PARP4: variants seen among roughly 807,000 people sequenced by gnomAD.
The protein encoded by PARP4 is protein mono-ADP-ribosyltransferase PARP4.
In PARP4, 120 loss-of-function variants were observed where a neutral mutation model predicts 187.7. The ratio of observed to expected loss-of-function variants is 0.64; its 90% CI spans 0.55 to 0.74. The LOEUF (loss-of-function observed/expected upper bound fraction) is 0.74, where lower values mean the gene tolerates loss of function less well. Ranked by LOEUF, PARP4 falls within the 30% of genes least tolerant of loss-of-function variation. PARP4 has a pLI of 0.00. For synonymous variants in PARP4, 654 were observed against 740.9 expected, an observed-to-expected ratio of 0.88 and a Z score of 1.90; for missense variants, 1,836 against 2,070.5, an observed-to-expected ratio of 0.89 and a Z score of 2.20.
intron 17 of PARP4, among the ~76,000 whole-genome samples, chr13:24,468,507 C>A (rs921006403): frequency 1.3e-5 from 2 of 149,614 alleles, no homozygotes; most frequent in African/African-American, 4.9e-5. Flanking sequence ...CAGGTTCAAG[C>A]GATTCTCCTG....
chr13:24,469,867 C>T lies in PARP4; in HGVS notation c.2046+27G>A, dbSNP rs199817770. 757 of 1,599,364 alleles carry T rather than the reference C, an allele frequency of 4.7e-4. 2 individuals carry two copies. Among genetic ancestry groups the T allele is most frequent in the African/African-American group, 4.2e-3 (310 of 74,350 alleles). On this transcript the variant is annotated intron_variant, in intron 16 of 33. Coordinates refer to ENST00000381989, the MANE Select transcript of PARP4 (RefSeq NM_006437.4). ...GGAAGCTGACTTTGAAAGCCGAGAG[C>T]GGGCACGATGCATCTTCTTGCCTTA...
intron 33 of PARP4, among the ~76,000 whole-genome samples, chr13:24,426,125 G>A (rs1870037802): frequency 6.6e-6 from 1 of 152,154 alleles, no homozygotes; most frequent in African/African-American, 2.4e-5. Context: ...CCATTGTTGG[G>A]AACAGGGCTG....
intron 23 of PARP4, 70 bp from the exon 24 acceptor site, chr13:24,452,663 C>T: frequency 7.9e-7 from 1 of 1,269,170 alleles, no homozygotes; most frequent in South Asian, 1.3e-5. Flanking sequence ...TCATCATTGA[C>T]ACATCTAAGG....
In PARP4 at chr13:24,499,447, T is replaced by G. The variant is rs1398858064; in HGVS notation, c.402-71A>C. The G allele has an allele frequency of 4.0e-5, 53 of 1,321,446 alleles. No individual in the cohort carries two copies. In the East Asian group the frequency reaches 1.3e-3, roughly 33 times the overall value. 81.9% of individuals were successfully genotyped at this position (1,321,446 alleles called of 1,614,324 possible). ...TTAGGCTAAACAGAATTTCATAAAT[T>G]TTTTCTTGTACATCTTTACAAAATA... is the stretch of plus-strand genomic sequence containing the variant. On this transcript the variant is annotated intron_variant, in intron 4 of 33. Transcript: ENST00000381989.
intron 20 of PARP4, among the ~76,000 whole-genome samples, chr13:24,458,830 A>C (rs936616737): frequency 6.6e-6 from 1 of 152,224 alleles, no homozygotes; most frequent in African/African-American, 2.4e-5. Context: ...TTAATATTTA[A>C]AAATTGGAGG....
intron 14 of PARP4, among the ~76,000 whole-genome samples, 185 bp downstream of exon 14, chr13:24,477,516 G>A (rs568155749): frequency 1.3e-5 from 2 of 152,100 alleles, no homozygotes; most frequent in Non-Finnish European, 2.9e-5. Flanking sequence ...ACTAGGCAGA[G>A]GGGTTTGACT....
At chr13:24,457,770 CAAAAAA>C (rs33930012) in intron 20 of PARP4, among the ~76,000 whole-genome samples, 6 of 85,656 alleles carry the variant, frequency 7.0e-5, no homozygotes, top group Admixed American at 1.2e-4. Flanking sequence ...GACTCTGTCT[CAAAAAA>C]AAAAAAAAAA....
chr13:24,447,185 A>T lies in PARP4; in HGVS notation c.3116T>A (p.Ile1039Lys). The T allele has an allele frequency of 7.4e-7, 1 of 1,357,744 alleles. No individual in the cohort carries two copies. Among genetic ancestry groups the T allele is most frequent in the Non-Finnish European group, 9.9e-7 (1 of 1,013,116 alleles). 84.1% of individuals were successfully genotyped at this position (1,357,744 alleles called of 1,614,324 possible). ...ACATAGCCTGGTCATTTGGTCTTCT[A>T]TCTATTTATAAAAGAGGAATTATTT... Reference protein sequence around the residue: ...AKSKHSWRKQIEDQMTRLCSP... With the variant: ...AKSKHSWRKQKEDQMTRLCSP... Residue 1039 changes from isoleucine to lysine, a missense_variant and splice_region_variant, in exon 26 of 34, where the codon ATA becomes AAA. Physicochemically the swap from Ile to Lys is moderately radical, Grantham distance 102. Transcript: ENST00000381989.
intron 2 of PARP4, among the ~76,000 whole-genome samples, 161 bp downstream of exon 2, chr13:24,503,484 A>G (rs756574812): frequency 2.0e-5 from 3 of 152,172 alleles, no homozygotes; most frequent in East Asian, 1.9e-4. Context: ...TGCCTCTAGG[A>G]GCCCAGCCTC....
Position 24,441,880 on chromosome 13 carries a change from C to G in PARP4, c.3632G>C (p.Trp1211Ser), listed in dbSNP as rs753579875. 9 of 1,605,782 alleles carry G rather than the reference C, an allele frequency of 5.6e-6. No homozygotes were observed. The East Asian group carries it at 2.0e-4, about 36-fold the overall frequency. ...EDVDFLPYMS[W>S]QGEPQEAVRN... Reference sequence around the variant, plus strand: ...GACGGCTTCTTGGGGCTCCCCCTGCCAGCTCATGTAGGGCAGGAAGTCTAC... The same window carrying G: ...GACGGCTTCTTGGGGCTCCCCCTGCGAGCTCATGTAGGGCAGGAAGTCTAC... The change falls in exon 30 of 34, where the codon TGG becomes TCG. Residue 1211 changes from tryptophan (W) to serine (S), a missense_variant. Physicochemically the swap from Trp to Ser is radical, Grantham distance 177. Transcript: ENST00000381989.
At chr13:24,458,882 G>A (rs533881323) in intron 20 of PARP4, among the ~76,000 whole-genome samples, 162 bp downstream of exon 20, 1 of 152,324 alleles carries the variant, frequency 6.6e-6, no homozygotes, top group East Asian at 1.9e-4. Flanking sequence ...ATGATTCACT[G>A]TCTCTGGAAA....
intron 17 of PARP4, among the ~76,000 whole-genome samples, chr13:24,463,429 G>A (rs1053373641): frequency 6.6e-6 from 1 of 151,966 alleles, no homozygotes; most frequent in Non-Finnish European, 1.5e-5. Context: ...TCTATAGAAA[G>A]AAATGAAGAG....
At chr13:24,421,653 G>A (rs549793358) in intron 33 of PARP4, among the ~76,000 whole-genome samples, 85 of 152,318 alleles carry the variant, frequency 5.6e-4, no homozygotes, top group Non-Finnish European at 9.6e-4. Context: ...CATTCTTCAC[G>A]CACAAACTCA....
chr13:24,448,144 GGGC>G (rs1482972606), intron 25 of PARP4, among the ~76,000 whole-genome samples: 2 of 152,138 alleles, frequency 1.3e-5, no homozygotes, highest in East Asian at 3.9e-4. Flanking sequence ...CAGGATGTCA[GGGC>G]TGCAGTGAGC....
chr13:24,505,039 T>C (rs1443954745), intron 1 of PARP4, among the ~76,000 whole-genome samples: 1 of 146,596 alleles, frequency 6.8e-6, no homozygotes, highest in African/African-American at 2.5e-5. Flanking sequence ...GGTCTCACTC[T>C]GTCACCCAGG....
At chr13:24,448,445 C>T (rs1165249375) in intron 25 of PARP4, among the ~76,000 whole-genome samples, 1 of 96,096 alleles carries the variant, frequency 1.0e-5, no homozygotes, top group Non-Finnish European at 2.3e-5. Flanking sequence ...TGATTGATTT[C>T]AATCAATAAG....
chr13:24,481,885 T>C (rs1279619287), intron 12 of PARP4, among the ~76,000 whole-genome samples: 1 of 152,090 alleles, frequency 6.6e-6, no homozygotes, highest in East Asian at 1.9e-4. Flanking sequence ...AAAAAATACA[T>C]TTTGTAAGGC....
chr13:24,448,965 G>A (rs1871354107), intron 25 of PARP4, among the ~76,000 whole-genome samples: 1 of 152,232 alleles, frequency 6.6e-6, no homozygotes, highest in South Asian at 2.1e-4. Flanking sequence ...GGCGCTGGGT[G>A]TAGGAGGGAA....
chr13:24,436,997 T>C (rs2137445563), intron 30 of PARP4, among the ~76,000 whole-genome samples: 1 of 152,290 alleles, frequency 6.6e-6, no homozygotes, highest in Admixed American at 6.5e-5. Flanking sequence ...TCAATAGTGA[T>C]GGACTAGAAC....
Sources: allele counts gnomAD v4.1 joint callset (sites outside exome capture counted in the v4.1 genomes callset), GRCh38; gene constraint gnomAD v4.1.1; transcripts MANE v1.5; gene names NCBI Gene and HGNC (gene_info 2026-07-23, HGNC 2026-07-21).